NEDD4: variants seen among roughly 807,000 people sequenced by gnomAD.
NEDD4 encodes E3 ubiquitin-protein ligase NEDD4.
In NEDD4, 99 loss-of-function variants were observed where a neutral mutation model predicts 144.9. The ratio of observed to expected loss-of-function variants is 0.68; its 90% CI spans 0.58 to 0.81. The LOEUF (loss-of-function observed/expected upper bound fraction) is 0.81. Ranked by LOEUF, NEDD4 falls within the 30% of genes least tolerant of loss-of-function variation. The pLI, the probability that NEDD4 is intolerant of heterozygous loss-of-function variation, is 0.00. For missense variants in NEDD4, 985 were observed against 1,065.9 expected, an observed-to-expected ratio of 0.92 and a Z score of 1.06; for synonymous variants, 318 against 350.6, an observed-to-expected ratio of 0.91 and a Z score of 1.04.
At chr15:55,902,886 C>T (rs2035955721) in intron 5 of NEDD4, among the ~76,000 whole-genome samples, 1 of 151,886 alleles carries the variant, frequency 6.6e-6, no homozygotes, top group Non-Finnish European at 1.5e-5. Flanking sequence ...CTGTAATCGC[C>T]GCTAGTCAGG....
At chr15:55,951,459 A>T (rs1336881654) in intron 3 of NEDD4, 45 bp from the exon 4 acceptor site, 17 of 1,379,822 alleles carry the variant, frequency 1.2e-5, no homozygotes, top group Non-Finnish European at 1.7e-5. Flanking sequence ...GTTTTGTCTT[A>T]TAAAAATAAA....
chr15:55,856,240 G>T, intron 11 of NEDD4, 44 bp from the exon 12 acceptor site: 14 of 1,569,158 alleles, frequency 8.9e-6, no homozygotes, highest in South Asian at 1.1e-5. Flanking sequence ...TGATATTTGT[G>T]ATTTGCCTTT....
intron 1 of NEDD4, among the ~76,000 whole-genome samples, chr15:55,980,811 T>C (rs1456062781): frequency 6.6e-6 from 1 of 152,134 alleles, no homozygotes; most frequent in East Asian, 1.9e-4. Context: ...TGTGTGTGTG[T>C]GTGTTACATT....
chr15:55,895,542 C>A (rs1261726320), intron 5 of NEDD4, among the ~76,000 whole-genome samples: 1 of 152,230 alleles, frequency 6.6e-6, no homozygotes, highest in Non-Finnish European at 1.5e-5. Context: ...CTGTGCCCAA[C>A]CTAATCTAGA....
Position 55,993,442 on chromosome 15 carries a change from T to C in NEDD4, c.45+69A>G, listed in dbSNP as rs1312670656. On this transcript the variant is annotated intron_variant, in intron 1 of 28. Coordinates refer to ENST00000435532, the MANE Select transcript of NEDD4 (RefSeq NM_006154.4). ...AGCCTCCGGTCGTGGCCGCCGCCGC[T>C]ACCTCCCCGGGTCCGGCTGCTGAAT... 31 of 1,558,520 alleles carry C rather than the reference T, an allele frequency of 2.0e-5. 2 individuals carry two copies. In the South Asian group the frequency reaches 3.3e-4, roughly 17 times the overall value.
chr15:55,916,702 A>C (rs2036460120), intron 5 of NEDD4: 3 of 1,614,036 alleles, frequency 1.9e-6, no homozygotes, highest in Non-Finnish European at 2.5e-6. Flanking sequence ...ACAACGTTAG[A>C]CGTTGAAATC....
In NEDD4 at chr15:55,837,690, C is replaced by T. The variant is rs1327089487; in HGVS notation, c.2262+99G>A. The T allele has an allele frequency of 7.4e-6, 5 of 678,930 alleles. No homozygotes were observed. The East Asian group carries it at 1.1e-4, about 15-fold the overall frequency. The allele number at this position is 678,930 out of a possible 1,614,324, so 42.1% of individuals were successfully genotyped here. A position where few individuals can be genotyped will look rare whatever the true frequency, so the allele number is the denominator to read the frequency against. On this transcript the variant is annotated intron_variant, in intron 24 of 28. Transcript: ENST00000435532. ...ATTTAGAATGATTTCACAAAACAAG[C>T]CATATACTTATTTTTCTCAGATGTG...
At chr15:55,906,237 A>T (rs2036088897) in intron 5 of NEDD4, among the ~76,000 whole-genome samples, 1 of 152,208 alleles carries the variant, frequency 6.6e-6, no homozygotes, top group Non-Finnish European at 1.5e-5. Flanking sequence ...TTCCTCACGG[A>T]TCTAGAACTA....
At chr15:55,930,050 T>C (rs1191200746) in intron 4 of NEDD4, among the ~76,000 whole-genome samples, 1 of 152,144 alleles carries the variant, frequency 6.6e-6, no homozygotes, top group African/African-American at 2.4e-5. Flanking sequence ...GAGGATTTTC[T>C]GAACAGAGTC....
chr15:55,988,487 T>TAAA (rs56688563), intron 1 of NEDD4, among the ~76,000 whole-genome samples: 4,531 of 101,430 alleles, frequency 0.045, 98 homozygotes, highest in South Asian at 0.12. Context: ...AAAAAAAAAT[T>TAAA]AAAAAAAAAA....
chr15:55,857,341 T>G (rs1177897146), intron 11 of NEDD4, among the ~76,000 whole-genome samples: 1 of 152,188 alleles, frequency 6.6e-6, no homozygotes, highest in Non-Finnish European at 1.5e-5. Flanking sequence ...ATTTATTTAT[T>G]TTTTTGAGAC....
intron 14 of NEDD4, 83 bp downstream of exon 14, chr15:55,850,459 T>C (rs2033938051): frequency 7.8e-7 from 1 of 1,280,702 alleles, no homozygotes; most frequent in Non-Finnish European, 1.1e-6. Context: ...GTTATACTAA[T>C]ACATACTTAA....
chr15:55,831,913 G>A (rs1200983841), intron 27 of NEDD4, among the ~76,000 whole-genome samples: 1 of 152,040 alleles, frequency 6.6e-6, no homozygotes, highest in African/African-American at 2.4e-5. Flanking sequence ...TTCCTTAAAA[G>A]CAAGTAAATA....
intron 5 of NEDD4, among the ~76,000 whole-genome samples, chr15:55,919,161 T>C (rs2036524589): frequency 6.6e-6 from 1 of 152,180 alleles, no homozygotes; most frequent in Admixed American, 6.6e-5. Context: ...TAACTACACA[T>C]TTCTTCTGAT....
chr15:55,943,169 G>C (rs1262100189), intron 4 of NEDD4, among the ~76,000 whole-genome samples: 3 of 152,200 alleles, frequency 2.0e-5, no homozygotes, highest in Non-Finnish European at 4.4e-5. Flanking sequence ...TCTGAAACTG[G>C]AACTTATATT....
At chr15:55,883,748 G>C (rs1313579079) in intron 5 of NEDD4, among the ~76,000 whole-genome samples, 2 of 151,838 alleles carry the variant, frequency 1.3e-5, no homozygotes, top group African/African-American at 4.8e-5. Flanking sequence ...GAGAGAGAGA[G>C]AGACTCTATT....
At chr15:55,871,133 C>T (rs1240787214) in intron 7 of NEDD4, among the ~76,000 whole-genome samples, 1 of 152,130 alleles carries the variant, frequency 6.6e-6, no homozygotes, top group African/African-American at 2.4e-5. Context: ...AATCCTGATG[C>T]TTATTCCCAA....
At chr15:55,874,302 A>G (rs2034912667) in intron 5 of NEDD4, among the ~76,000 whole-genome samples, 1 of 152,152 alleles carries the variant, frequency 6.6e-6, no homozygotes, top group South Asian at 2.1e-4. Context: ...AGGGATGTCA[A>G]TCCTTCAAAG....
intron 5 of NEDD4, among the ~76,000 whole-genome samples, chr15:55,887,762 C>T (rs2035440199): frequency 6.6e-6 from 1 of 152,042 alleles, no homozygotes; most frequent in Admixed American, 6.6e-5. Context: ...AATTCAACAA[C>T]CTATTAAAAA....
Sources: allele counts gnomAD v4.1 joint callset (sites outside exome capture counted in the v4.1 genomes callset), GRCh38; gene constraint gnomAD v4.1.1; transcripts MANE v1.5; gene names NCBI Gene and HGNC (gene_info 2026-07-23, HGNC 2026-07-21).